CSGALNACT1: variants seen among roughly 807,000 people sequenced by gnomAD.
CSGALNACT1 encodes chondroitin sulfate N-acetylgalactosaminyltransferase 1.
CSGALNACT1 carries 52 observed loss-of-function variants against 51.0 expected under a neutral mutation model. The ratio of observed to expected loss-of-function variants is 1.02; its 90% confidence interval spans 0.82 to 1.29. CSGALNACT1 has a LOEUF of 1.29. Among genes scored for constraint, CSGALNACT1 ranks in the 50% most tolerant of loss-of-function variants. The pLI, the probability that CSGALNACT1 is intolerant of heterozygous loss-of-function variation, is 0.00. For missense variants in CSGALNACT1, 935 were observed against 679.2 expected (o/e 1.38, Z -4.19); for synonymous variants, 341 against 254.4 (o/e 1.34, Z -3.24).
intron 3 of CSGALNACT1, among the ~76,000 whole-genome samples, chr8:19,571,703 C>T (rs904074903): frequency 6.6e-6 from 1 of 152,184 alleles, no homozygotes; most frequent in Non-Finnish European, 1.5e-5. Flanking sequence ...CTTTCCCAGC[C>T]AAAGCCCACT....
intron 3 of CSGALNACT1, among the ~76,000 whole-genome samples, chr8:19,552,981 A>G (rs1434184914): frequency 6.6e-6 from 1 of 152,182 alleles, no homozygotes; most frequent in African/African-American, 2.4e-5. Flanking sequence ...CCTGGAGAAC[A>G]TAAGGAAGGC....
chr8:19,419,323 G>T (rs2057492921), intron 7 of CSGALNACT1, among the ~76,000 whole-genome samples: 1 of 152,214 alleles, frequency 6.6e-6, no homozygotes, highest in East Asian at 1.9e-4. Context: ...GAGGGGGTGT[G>T]AAAGAGAGTC....
At chr8:19,624,438 AAAGAT>A (rs369270260) in intron 1 of CSGALNACT1, among the ~76,000 whole-genome samples, 36 of 152,334 alleles carry the variant, frequency 2.4e-4, no homozygotes, top group African/African-American at 7.0e-4. Context: ...AACATAGAAC[AAAGAT>A]AATATTCAAA....
intron 1 of CSGALNACT1, among the ~76,000 whole-genome samples, chr8:19,667,561 ACCC>A (rs2059479969): frequency 6.6e-6 from 1 of 152,138 alleles, no homozygotes; most frequent in Admixed American, 6.6e-5. Flanking sequence ...GTCGTGTTCC[ACCC>A]CCTTTGAACC....
At position 19,425,766 on chromosome 8, in the gene CSGALNACT1, A is replaced by G. The variant is rs149975619; in HGVS notation, c.954-5248T>C. ...TTCCCTCAGTCTCTTTTTGGTTTAC[A>G]TAACAGACGACTCACCAAGGTGTGG... is the stretch of plus-strand genomic sequence containing the variant. On this transcript the variant is annotated intron_variant, in intron 6 of 9. Coordinates refer to ENST00000454498, the Ensembl canonical transcript of CSGALNACT1. 1.9e-3 allele frequency among the ~76,000 whole-genome samples: 286 copies of G among 152,344 alleles called. 2 individuals carry two copies. Among genetic ancestry groups the G allele is most frequent in the African/African-American group, 6.5e-3 (271 of 41,590 alleles).
upstream of CSGALNACT1, among the ~76,000 whole-genome samples, chr8:19,606,943 C>A (rs886125916): frequency 6.6e-6 from 1 of 152,028 alleles, no homozygotes; most frequent in African/African-American, 2.4e-5. Context: ...ATCACAAGGT[C>A]AGGAGATCGA....
At chr8:19,481,914 T>G (rs186509755) in intron 4 of CSGALNACT1, among the ~76,000 whole-genome samples, 1 of 152,356 alleles carries the variant, frequency 6.6e-6, no homozygotes, top group Admixed American at 6.5e-5. Context: ...TTAGAAGTAC[T>G]CAAAATAATT....
At chr8:19,520,580 G>A (rs367855350) in intron 3 of CSGALNACT1, among the ~76,000 whole-genome samples, 8 of 152,196 alleles carry the variant, frequency 5.3e-5, no homozygotes, top group African/African-American at 1.4e-4. Flanking sequence ...AGAAATGTAC[G>A]CACAGTAGAA....
chr8:19,711,056 C>T (rs756105632), intron 1 of CSGALNACT1, among the ~76,000 whole-genome samples: 2 of 152,094 alleles, frequency 1.3e-5, no homozygotes, highest in African/African-American at 4.8e-5. Flanking sequence ...TTTGGTCAAC[C>T]TTTACATATT....
chr8:19,729,944 A>T (rs965087022), intron 1 of CSGALNACT1, among the ~76,000 whole-genome samples: 8 of 152,206 alleles, frequency 5.3e-5, no homozygotes, highest in Admixed American at 3.9e-4. Flanking sequence ...TTCAGCTCTC[A>T]GCAAGAGAAA....
intron 8 of CSGALNACT1, among the ~76,000 whole-genome samples, chr8:19,415,279 G>T (rs2056649963): frequency 6.6e-6 from 1 of 152,226 alleles, no homozygotes; most frequent in Non-Finnish European, 1.5e-5. Flanking sequence ...CCCGTAGGCA[G>T]CGAGCACTCA....
intron 1 of CSGALNACT1, among the ~76,000 whole-genome samples, chr8:19,628,766 C>T (rs1196332638): frequency 1.3e-5 from 2 of 151,868 alleles, no homozygotes; most frequent in Non-Finnish European, 2.9e-5. Flanking sequence ...CATGCATGAC[C>T]ACTGTACCGA....
chr8:19,557,319 A>G (rs555605121), intron 3 of CSGALNACT1, among the ~76,000 whole-genome samples: 36 of 152,198 alleles, frequency 2.4e-4, no homozygotes, highest in Non-Finnish European at 4.7e-4. Flanking sequence ...TCTTTTCTAT[A>G]TTTGTCTCTC....
intron 5 of CSGALNACT1, chr8:19,457,649 A>G (rs2064397640): frequency 7.8e-7 from 1 of 1,284,410 alleles, no homozygotes; most frequent in African/African-American, 1.5e-5. Flanking sequence ...TGATCTTTCA[A>G]GATTTATAAT....
At chr8:19,728,821 C>T (rs1020297283) in intron 1 of CSGALNACT1, among the ~76,000 whole-genome samples, 1 of 151,920 alleles carries the variant, frequency 6.6e-6, no homozygotes, top group Non-Finnish European at 1.5e-5. Context: ...AAATGGTAAC[C>T]TTTTCCTCAA....
intron 1 of CSGALNACT1, among the ~76,000 whole-genome samples, chr8:19,655,955 G>C (rs1440194487): frequency 6.6e-6 from 1 of 152,090 alleles, no homozygotes; most frequent in African/African-American, 2.4e-5. Flanking sequence ...GGTTAGAATT[G>C]GGGGATTCAC....
intron 6 of CSGALNACT1, among the ~76,000 whole-genome samples, chr8:19,428,146 G>A (rs976483205): frequency 2.6e-5 from 4 of 152,134 alleles, no homozygotes; most frequent in African/African-American, 4.8e-5. Context: ...CCCAGCTCCT[G>A]TCTTGCCCTG....
chr8:19,497,380 G>A (rs1185219271), intron 4 of CSGALNACT1, among the ~76,000 whole-genome samples: 1 of 151,934 alleles, frequency 6.6e-6, no homozygotes, highest in Non-Finnish European at 1.5e-5. Context: ...ATCTCAAAAG[G>A]GATTTGAAGT....
chr8:19,540,647 C>T (rs550050420), intron 3 of CSGALNACT1, among the ~76,000 whole-genome samples: 15 of 152,300 alleles, frequency 9.8e-5, no homozygotes, highest in African/African-American at 3.6e-4. Flanking sequence ...CCTTCTCCTG[C>T]CTCAACTCTC....
Sources: gnomAD v4.1 joint callset for allele counts (sites outside exome capture counted in the v4.1 genomes callset) on GRCh38, gnomAD v4.1.1 for gene constraint, MANE v1.5 for transcripts, NCBI Gene and HGNC (gene_info 2026-07-23, HGNC 2026-07-21) for gene names.